HEATR4: variants seen among roughly 807,000 people sequenced by gnomAD.
HEATR4 encodes the protein HEAT repeat-containing protein 4.
In HEATR4, 95 loss-of-function variants were observed where a neutral mutation model predicts 108.8. That is an observed-to-expected ratio of 0.87 (90% confidence interval 0.74 to 1.04). The LOEUF (loss-of-function observed/expected upper bound fraction) is 1.04, where lower values mean the gene tolerates loss of function less well. Ranked by LOEUF, HEATR4 falls within the 50% of genes least tolerant of loss-of-function variation. The probability of loss-of-function intolerance (pLI) is 0.00; values close to 1 mark genes in which losing one functional copy is unlikely to be tolerated. For synonymous variants in HEATR4, 443 were observed against 459.4 expected, an observed-to-expected ratio of 0.96 and a Z score of 0.46; for missense variants, 1,152 against 1,253.8, an observed-to-expected ratio of 0.92 and a Z score of 1.23.
intron 2 of HEATR4, chr14:73,528,810 C>T (rs1483591370): frequency 1.3e-5 from 2 of 152,160 alleles, no homozygotes; most frequent in East Asian, 3.9e-4. Context: ...AGGCAAGTCT[C>T]TGGGTCCTAC....
the HEATR4 span, chr14:73,592,031 C>T: frequency 4.5e-5 from 65 of 1,447,848 alleles, no homozygotes; most frequent in Non-Finnish European, 5.7e-5. Context: ...TTGCCGTGCG[C>T]GGCCTGGCCC....
chr14:73,580,444 A>T, the HEATR4 span, among the ~76,000 whole-genome samples: 1 of 151,976 alleles, frequency 6.6e-6, no homozygotes, highest in Non-Finnish European at 1.5e-5. Context: ...AAGTGTGATA[A>T]AGAGAGTGAG....
the HEATR4 span, chr14:73,569,271 C>T: frequency 6.2e-7 from 1 of 1,613,832 alleles, no homozygotes. Context: ...TCCCCACCCC[C>T]ATTCAGTTGT....
the HEATR4 span, among the ~76,000 whole-genome samples, chr14:73,627,051 T>C: frequency 5.3e-5 from 8 of 151,624 alleles, 1 homozygote; most frequent in Admixed American, 5.3e-4. Flanking sequence ...CTCGGCCTCC[T>C]GAAGTGCTGG....
intron 5 of HEATR4, among the ~76,000 whole-genome samples, chr14:73,515,671 CAAAAAAAAAAAA>C (rs35601077): frequency 1.8e-4 from 6 of 33,516 alleles, no homozygotes; most frequent in South Asian, 5.3e-3. Context: ...GACTCCATCT[CAAAAAAAAAAAA>C]AAAAAAAAAA....
chr14:73,499,104 G>A lies in HEATR4; in HGVS notation c.2323C>T (p.Pro775Ser). ...GCAAAGGCCTTGATTTTCCAGTAAG[G>A]ATCTCTCTGCATCAGGTTCAGGAGG... ...ECLLNLMQRD[P>S]YWKIKAFAIR... is the part of the protein sequence containing the mutation. Residue 775 changes from proline (P) to serine (S), a missense_variant, in exon 13 of 18, where the codon CCT becomes TCT. Physicochemically the swap from Pro to Ser is moderately conservative, Grantham distance 74. Transcript: ENST00000553558. 6.2e-7 allele frequency: 1 copy of A among 1,614,170 alleles called. No individual in the cohort carries two copies. The highest frequency in any genetic ancestry group is 1.1e-5 in the South Asian group (1 of 91,082).
upstream of HEATR4, among the ~76,000 whole-genome samples, chr14:73,560,732 A>C (rs979781975): frequency 3.1e-4 from 47 of 152,088 alleles, no homozygotes; most frequent in Admixed American, 2.2e-3. Flanking sequence ...CAGGAGGATC[A>C]TTTGAGCCCA....
Position 73,545,027 on chromosome 14 carries a change from GA to G in HEATR4, c.-152+13723del, listed in dbSNP as rs112604801. Reference sequence around the variant, plus strand: ...TCTTAAACCTTAGTTGTATTTAAAAGAAAAAAAAAACCTTAATTTATTATTA... The same window carrying G: ...TCTTAAACCTTAGTTGTATTTAAAAGAAAAAAAAACCTTAATTTATTATTA... On this transcript the variant is annotated intron_variant, in intron 1 of 17. Transcript: ENST00000553558. 7.5e-4 allele frequency among the ~76,000 whole-genome samples: 75 copies of G among 100,406 alleles called. 15 individuals are homozygous for G. Among genetic ancestry groups the G allele is most frequent in the Middle Eastern group, 5.1e-3 (1 of 196 alleles). 65.9% of individuals were successfully genotyped at this position (100,406 alleles called of 152,430 possible). A position where few individuals can be genotyped will look rare whatever the true frequency, so the allele number is the denominator to read the frequency against.
chr14:73,499,054 C>T lies in HEATR4; in HGVS notation c.2356+17G>A, dbSNP rs1469503429. The T allele has an allele frequency of 1.2e-6, 2 of 1,609,246 alleles. No homozygotes were observed. The highest frequency in any genetic ancestry group is 4.5e-5 in the East Asian group (2 of 44,882). ...GTATTTAAGGTTGAAGAGTTTGGGG[C>T]ACTACTTCTATAATACCTCGAATGG... On this transcript the variant is annotated intron_variant, in intron 13 of 17. Transcript: ENST00000553558.
At chr14:73,523,661 G>A (rs908277122) in intron 2 of HEATR4, among the ~76,000 whole-genome samples, 38 of 152,118 alleles carry the variant, frequency 2.5e-4, no homozygotes, top group Non-Finnish European at 4.1e-4. Flanking sequence ...GCTGTTCTCT[G>A]AGTATCCTCT....
At chr14:73,535,969 T>G (rs1430675604) in intron 1 of HEATR4, among the ~76,000 whole-genome samples, 1 of 116,264 alleles carries the variant, frequency 8.6e-6, no homozygotes, top group Non-Finnish European at 1.9e-5. Context: ...ACTACTACGG[T>G]TCTTGTAAGT....
intron 8 of HEATR4, 136 bp downstream of exon 8, chr14:73,509,176 A>C (rs1887043962): frequency 1.0e-5 from 9 of 878,588 alleles, no homozygotes; most frequent in Non-Finnish European, 1.6e-5. Flanking sequence ...CCTAATTTTC[A>C]AATGGTCTAA....
chr14:73,562,221 C>T (rs113815656), upstream of HEATR4, among the ~76,000 whole-genome samples: 11,292 of 151,936 alleles, frequency 0.074, 718 homozygotes, highest in Non-Finnish European at 0.12. Flanking sequence ...ATGGAGGGAC[C>T]GGCTGGAGCC....
the HEATR4 span, among the ~76,000 whole-genome samples, chr14:73,572,064 G>GAA: frequency 6.8e-6 from 1 of 147,876 alleles, no homozygotes; most frequent in Non-Finnish European, 1.5e-5. Context: ...CTCACTGCTA[G>GAA]AAGGAGCAAC....
chr14:73,504,475 C>T (rs921482708), intron 10 of HEATR4, among the ~76,000 whole-genome samples: 7 of 152,116 alleles, frequency 4.6e-5, no homozygotes, highest in East Asian at 1.9e-4. Context: ...ATCTCCTGAC[C>T]TCGTGATCCG....
intron 17 of HEATR4, among the ~76,000 whole-genome samples, chr14:73,479,554 T>C (rs1885166344): frequency 1.3e-5 from 2 of 151,110 alleles, no homozygotes; most frequent in South Asian, 4.2e-4. Flanking sequence ...TTCTCCTGCC[T>C]CAGCCTCCCA....
At chr14:73,606,175 G>A in the HEATR4 span, among the ~76,000 whole-genome samples, 1 of 152,040 alleles carries the variant, frequency 6.6e-6, no homozygotes, top group African/African-American at 2.4e-5. Flanking sequence ...TGACCAACAT[G>A]GAGAAAACCC....
At chr14:73,484,846 AC>A (rs1885391706) in intron 17 of HEATR4, among the ~76,000 whole-genome samples, 1 of 151,386 alleles carries the variant, frequency 6.6e-6, no homozygotes. Context: ...ACACACACAC[AC>A]ACACACACAC....
the HEATR4 span, among the ~76,000 whole-genome samples, chr14:73,599,038 A>ATGTGATGC: frequency 2.0e-5 from 3 of 152,018 alleles, no homozygotes; most frequent in Admixed American, 6.6e-5. Context: ...TACCTTGAGG[A>ATGTGATGC]TGTGATGCTG....
Sources: gnomAD v4.1 joint callset for allele counts (sites outside exome capture counted in the v4.1 genomes callset) on GRCh38, gnomAD v4.1.1 for gene constraint, MANE v1.5 for transcripts, NCBI Gene and HGNC (gene_info 2026-07-23, HGNC 2026-07-21) for gene names.